The following LRRC4C variants were observed in gnomAD, a reference collection of about 807,000 sequenced individuals.
The protein encoded by LRRC4C is leucine rich repeat containing 4C.
Under a neutral mutation model 33.6 loss-of-function variants are expected in LRRC4C, and 5 were observed. The ratio of observed to expected loss-of-function variants is 0.15; its 90% CI spans 0.08 to 0.31. LRRC4C has a LOEUF of 0.31. Among genes scored for constraint, LRRC4C ranks in the 10% least tolerant of loss-of-function variants. The pLI is 1.00. For missense variants in LRRC4C, 560 were observed against 796.7 expected, an observed-to-expected ratio of 0.70 and a Z score of 3.58; for synonymous variants, 329 against 302.0, an observed-to-expected ratio of 1.09 and a Z score of -0.93.
At chr11:41,175,155 T>C (rs1335958188) in intron 1 of LRRC4C, among the ~76,000 whole-genome samples, 3 of 152,042 alleles carry the variant, frequency 2.0e-5, no homozygotes, top group African/African-American at 7.2e-5. Context: ...TTGTAAAAAA[T>C]ACCTGTGATT....
intron 3 of LRRC4C, among the ~76,000 whole-genome samples, chr11:40,487,546 T>C (rs1220075827): frequency 2.0e-5 from 3 of 151,804 alleles, no homozygotes; most frequent in Admixed American, 6.6e-5. Flanking sequence ...TTGTGAAGAG[T>C]AGAGAGAAAA....
At chr11:40,361,577 ACAAAC>A (rs894861335) in intron 3 of LRRC4C, among the ~76,000 whole-genome samples, 9 of 152,352 alleles carry the variant, frequency 5.9e-5, no homozygotes, top group African/African-American at 2.2e-4. Flanking sequence ...AAGGATAATT[ACAAAC>A]CACTGCTCAA....
chr11:40,326,859 T>C (rs564279322), intron 3 of LRRC4C, among the ~76,000 whole-genome samples: 3 of 152,068 alleles, frequency 2.0e-5, no homozygotes, highest in Admixed American at 6.5e-5. Context: ...GTGTAGAAAA[T>C]GGATTGTAAA....
intron 1 of LRRC4C, among the ~76,000 whole-genome samples, chr11:41,035,179 G>A (rs1277696228): frequency 6.7e-6 from 1 of 150,074 alleles, no homozygotes; most frequent in Non-Finnish European, 1.5e-5. Context: ...GACAGAATGA[G>A]ACTCCATCTC....
intron 2 of LRRC4C, among the ~76,000 whole-genome samples, chr11:40,709,770 T>A (rs1191247892): frequency 6.6e-6 from 1 of 152,232 alleles, no homozygotes; most frequent in African/African-American, 2.4e-5. Context: ...CTGGATAATA[T>A]CCTGAAGAGT....
At chr11:40,562,450 T>C (rs986143139) in intron 3 of LRRC4C, among the ~76,000 whole-genome samples, 1 of 152,194 alleles carries the variant, frequency 6.6e-6, no homozygotes, top group African/African-American at 2.4e-5. Flanking sequence ...TTCATCATGC[T>C]GTATAATTTT....
chr11:41,334,449 T>C (rs1407546522), intron 1 of LRRC4C, among the ~76,000 whole-genome samples: 1 of 152,136 alleles, frequency 6.6e-6, no homozygotes, highest in African/African-American at 2.4e-5. Context: ...TTAAAATTGA[T>C]GACTAACTGA....
intron 3 of LRRC4C, among the ~76,000 whole-genome samples, chr11:40,610,018 G>A (rs937048824): frequency 6.6e-6 from 1 of 151,880 alleles, no homozygotes; most frequent in African/African-American, 2.4e-5. Flanking sequence ...TCGAAAAAGA[G>A]GCAACAGTTC....
At chr11:40,351,028 A>T (rs1158186071) in intron 3 of LRRC4C, among the ~76,000 whole-genome samples, 2 of 152,020 alleles carry the variant, frequency 1.3e-5, no homozygotes, top group Non-Finnish European at 2.9e-5. Flanking sequence ...TATCATCTGC[A>T]AACAAAGATA....
At chr11:40,532,479 T>G (rs755638759) in intron 3 of LRRC4C, among the ~76,000 whole-genome samples, 14 of 151,832 alleles carry the variant, frequency 9.2e-5, no homozygotes, top group Non-Finnish European at 2.1e-4. Context: ...GGTAGGAAGA[T>G]CAATCATATG....
At chr11:40,273,410 T>G (rs571648372) in intron 4 of LRRC4C, among the ~76,000 whole-genome samples, 2 of 152,112 alleles carry the variant, frequency 1.3e-5, no homozygotes, top group African/African-American at 2.4e-5. Context: ...TACACTACCT[T>G]AAGGCAATGC....
At chr11:40,314,058 G>T (rs2136783304) in intron 4 of LRRC4C, among the ~76,000 whole-genome samples, 1 of 151,994 alleles carries the variant, frequency 6.6e-6, no homozygotes, top group Admixed American at 6.5e-5. Context: ...TGAACAGAAT[G>T]AAAAGACAAC....
At chr11:40,727,388 TG>T (rs1407820014) in intron 2 of LRRC4C, among the ~76,000 whole-genome samples, 1 of 152,178 alleles carries the variant, frequency 6.6e-6, no homozygotes, top group Non-Finnish European at 1.5e-5. Context: ...AAAGAACCCC[TG>T]TTTTTCACCA....
chr11:40,439,506 T>A (rs1186252018), intron 3 of LRRC4C, among the ~76,000 whole-genome samples: 1 of 149,690 alleles, frequency 6.7e-6, no homozygotes, highest in East Asian at 2.0e-4. Flanking sequence ...CAGGCTGGAG[T>A]GCAGTGGTGC....
intron 4 of LRRC4C, chr11:40,294,160 A>T (rs1476788370): frequency 1.3e-5 from 2 of 151,918 alleles, no homozygotes; most frequent in Non-Finnish European, 2.9e-5. Context: ...GTAAAATACA[A>T]TTACCCAATT....
chr11:40,797,115 A>G (rs1453803948), intron 2 of LRRC4C, among the ~76,000 whole-genome samples: 1 of 152,230 alleles, frequency 6.6e-6, no homozygotes, highest in African/African-American at 2.4e-5. Context: ...AACCATGGAA[A>G]GACACATGCT....
At chr11:40,299,615 G>A (rs1415261252) in intron 4 of LRRC4C, among the ~76,000 whole-genome samples, 1 of 152,204 alleles carries the variant, frequency 6.6e-6, no homozygotes, top group South Asian at 2.1e-4. Context: ...GCATGAATGG[G>A]AAAAATATTT....
At chr11:40,442,868 T>A (rs1003034002) in intron 3 of LRRC4C, among the ~76,000 whole-genome samples, 2 of 152,176 alleles carry the variant, frequency 1.3e-5, no homozygotes, top group African/African-American at 4.8e-5. Flanking sequence ...AGTATATGTT[T>A]CAGCAAAAAT....
At chr11:40,692,400 A>G (rs1473833708) in intron 2 of LRRC4C, among the ~76,000 whole-genome samples, 2 of 152,082 alleles carry the variant, frequency 1.3e-5, no homozygotes, top group Non-Finnish European at 2.9e-5. Context: ...GGCATTTTCT[A>G]GAAGACTCTT....
Sources: gnomAD v4.1 joint callset for allele counts (sites outside exome capture counted in the v4.1 genomes callset) on GRCh38, gnomAD v4.1.1 for gene constraint, MANE v1.5 for transcripts, NCBI Gene and HGNC (gene_info 2026-07-23, HGNC 2026-07-21) for gene names.